Variants in MAST2 observed in about 807,000 individuals in gnomAD.
The protein encoded by MAST2 is microtubule associated serine/threonine kinase 2.
Under a neutral mutation model 147.4 loss-of-function variants are expected in MAST2, and 70 were observed. The ratio of observed to expected loss-of-function variants is 0.47; its 90% confidence interval spans 0.39 to 0.58. The LOEUF is 0.58. Among genes scored for constraint, MAST2 ranks in the 20% least tolerant of loss-of-function variants. The probability of loss-of-function intolerance (pLI) is 0.00; values close to 1 mark genes in which losing one functional copy is unlikely to be tolerated. For synonymous variants in MAST2, 869 were observed against 896.8 expected, an observed-to-expected ratio of 0.97 and a Z score of 0.55; for missense variants, 2,080 against 2,302.3, an observed-to-expected ratio of 0.90 and a Z score of 1.98.
intron 3 of MAST2, among the ~76,000 whole-genome samples, chr1:45,862,426 G>A (rs988133045): frequency 3.3e-5 from 5 of 151,658 alleles, no homozygotes; most frequent in East Asian, 3.9e-4. Context: ...ATGATATGGC[G>A]TGTCTTGAAT....
intron 4 of MAST2, among the ~76,000 whole-genome samples, chr1:45,932,200 A>G (rs1655423386): frequency 6.6e-6 from 1 of 152,130 alleles, no homozygotes; most frequent in Admixed American, 6.5e-5. Context: ...ATTCCTCATC[A>G]AATTTTAACC....
At chr1:45,994,274 C>CTTTTTTTTTTT (rs869216588) in intron 5 of MAST2, among the ~76,000 whole-genome samples, 1,516 of 62,028 alleles carry the variant, frequency 0.024, 224 homozygotes, top group East Asian at 0.039. Flanking sequence ...CCCTAACCCT[C>CTTTTTTTTTTT]TTTTTTTTTT....
At chr1:45,888,699 T>TTTTTTTTTTTTTTTTTTTTTTTTTTTG in intron 4 of MAST2, among the ~76,000 whole-genome samples, 1 of 95,676 alleles carries the variant, frequency 1.0e-5, no homozygotes, top group African/African-American at 4.0e-5. Context: ...TTTTTTTTTT[T>TTTTTTTTTTTTTTTTTTTTTTTTTTTG]GAGATGGAGT....
At chr1:45,881,837 A>G (rs1443655642) in intron 3 of MAST2, among the ~76,000 whole-genome samples, 1 of 151,796 alleles carries the variant, frequency 6.6e-6, no homozygotes, top group Non-Finnish European at 1.5e-5. Context: ...TTAGGAAGGA[A>G]GGATAAAGAA....
chr1:45,853,948 T>C (rs1258415529), intron 3 of MAST2, among the ~76,000 whole-genome samples: 2 of 152,230 alleles, frequency 1.3e-5, no homozygotes, highest in Admixed American at 6.5e-5. Context: ...CTTATTTTTT[T>C]ATTCAGCTCA....
chr1:45,847,603 A>T, intron 3 of MAST2: 1 of 781,794 alleles, frequency 1.3e-6, no homozygotes, highest in Non-Finnish European at 2.0e-6. Flanking sequence ...TTGGTGCTTT[A>T]GGTATAGTGA....
chr1:45,893,552 T>C (rs1243082912), intron 4 of MAST2, among the ~76,000 whole-genome samples: 1 of 149,354 alleles, frequency 6.7e-6, no homozygotes, highest in Non-Finnish European at 1.5e-5. Flanking sequence ...GTATTTTAGA[T>C]AATAACTGAA....
At chr1:45,889,095 AC>A (rs780491073) in intron 4 of MAST2, among the ~76,000 whole-genome samples, 3 of 151,912 alleles carry the variant, frequency 2.0e-5, no homozygotes, top group African/African-American at 4.8e-5. Context: ...GGCATTGCTC[AC>A]CCTCAGTCTA....
intron 5 of MAST2, among the ~76,000 whole-genome samples, chr1:45,964,111 A>C (rs1027311734): frequency 6.6e-6 from 1 of 152,156 alleles, no homozygotes; most frequent in Non-Finnish European, 1.5e-5. Context: ...TGCTGGATTC[A>C]GTTTGCCAGT....
intron 4 of MAST2, among the ~76,000 whole-genome samples, chr1:45,937,751 C>CAAAAAAAAAAAAAAAA (rs34830747): frequency 2.7e-5 from 2 of 73,214 alleles, no homozygotes; most frequent in African/African-American, 1.1e-4. Flanking sequence ...AACTCCATCT[C>CAAAAAAAAAAAAAAAA]AAAAAAAAAA....
Position 45,803,726 on chromosome 1 carries a change from G to T in MAST2, c.-170G>T, listed in dbSNP as rs1341079230. 5.7e-6 allele frequency: 2 copies of T among 350,468 alleles called. No individual in the cohort carries two copies. Among genetic ancestry groups the T allele is most frequent in the Non-Finnish European group, 1.0e-5 (2 of 196,512 alleles). The allele number at this position is 350,468 out of a possible 1,614,324, so 21.7% of individuals were successfully genotyped here. ...TGAGGAGCGCAGAGGAGGTCGCGGC[G>T]CCGGAGGCCCCAGAAGGCTCGAAGG... On this transcript the variant is annotated 5_prime_UTR_variant, in exon 1 of 29. Transcript: ENST00000361297.
Position 46,035,191 on chromosome 1 carries a change from A to T in MAST2, c.4522A>T (p.Thr1508Ser), listed in dbSNP as rs370262615. 582 of 1,614,036 alleles carry T rather than the reference A, an allele frequency of 3.6e-4. 10 individuals carry two copies. In the South Asian group the frequency reaches 6.0e-3, roughly 17 times the overall value. ...TGAGGTGGACTCCTCAGAGGACGAC[A>T]CCGAGGAAGGGCCTGAGAACAGCCA... ...IREVDSSEDD[T>S]EEGPENSQGA... The change falls in exon 29 of 29, where the codon ACC becomes TCC. Residue 1508 changes from threonine (T) to serine (S), a missense_variant. Physicochemically the swap from Thr to Ser is moderately conservative, Grantham distance 58 (BLOSUM62 1). This residue lies in a region of MAST2 where 1,278 missense variants were observed against 1,304.2 expected (regional missense o/e 0.98). Transcript: ENST00000361297. The surrounding 1 kb of genome is among the most constrained non-coding windows in gnomAD (Gnocchi z 5.5).
intron 1 of MAST2, among the ~76,000 whole-genome samples, chr1:45,820,798 A>T (rs866456692): frequency 2.3e-5 from 3 of 130,986 alleles, no homozygotes; most frequent in African/African-American, 5.6e-5. Context: ...TTAGGATTTG[A>T]TGTAGAACAT....
intron 3 of MAST2, among the ~76,000 whole-genome samples, chr1:45,845,669 T>G (rs1364084311): frequency 6.6e-6 from 1 of 152,218 alleles, no homozygotes; most frequent in Non-Finnish European, 1.5e-5. Flanking sequence ...TCTCTAATCT[T>G]TAGTTCTCTC....
rs1464975554 is a variant in MAST2, at chr1:45,824,485, A to C, written c.230A>C (p.Asp77Ala). 6.2e-7 allele frequency: 1 copy of C among 1,612,596 alleles called. No homozygotes were observed. The highest frequency in any genetic ancestry group is 8.5e-7 in the Non-Finnish European group (1 of 1,179,192). Residue 77 changes from aspartate to alanine, a missense_variant, in exon 2 of 29, where the codon GAC becomes GCC. Coordinates refer to ENST00000361297, the MANE Select transcript of MAST2 (RefSeq NM_015112.3). ...PLLFRKLSNP[D>A]IFSSTGKVKL... is the part of the protein sequence containing the mutation. ...CTCTTCAGGAAACTCAGTAATCCTG[A>C]CATATTTTCATCCACTGGAAAAGTT...
intron 4 of MAST2, among the ~76,000 whole-genome samples, chr1:45,929,981 G>A (rs1037733321): frequency 6.6e-6 from 1 of 152,092 alleles, no homozygotes; most frequent in African/African-American, 2.4e-5. Context: ...ACACAGCCTT[G>A]CCAACAATAT....
At chr1:45,912,738 G>A (rs1557897466) in intron 4 of MAST2, among the ~76,000 whole-genome samples, 1 of 152,196 alleles carries the variant, frequency 6.6e-6, no homozygotes, top group Non-Finnish European at 1.5e-5. Context: ...TGATCACTTG[G>A]TTTTCTTGAG....
intron 1 of MAST2, among the ~76,000 whole-genome samples, chr1:45,814,660 G>A (rs1644400171): frequency 6.6e-6 from 1 of 152,124 alleles, no homozygotes; most frequent in Admixed American, 6.5e-5. Flanking sequence ...GGTGGCGCAC[G>A]CCTATAGTTC....
At chr1:45,822,813 G>C (rs954810115) in intron 1 of MAST2, among the ~76,000 whole-genome samples, 3 of 152,088 alleles carry the variant, frequency 2.0e-5, no homozygotes, top group African/African-American at 7.2e-5. Context: ...TCCTTCCCTG[G>C]TTTCTCCTTG....
Sources: gnomAD v4.1 joint callset for allele counts (sites outside exome capture counted in the v4.1 genomes callset) on GRCh38, gnomAD v4.1.1 for gene constraint, gnomAD v4.1.1 regional missense constraint, Gnocchi (gnomAD v3.1) non-coding constraint, MANE v1.5 for transcripts, NCBI Gene and HGNC (gene_info 2026-07-23, HGNC 2026-07-21) for gene names.